Variants in PCDHGA5 observed in about 807,000 individuals in gnomAD.
PCDHGA5 encodes protocadherin gamma-A5.
In PCDHGA5, 36 loss-of-function variants were observed where a neutral mutation model predicts 56.7. The ratio of observed to expected loss-of-function variants is 0.64; its 90% CI spans 0.49 to 0.84. The LOEUF (loss-of-function observed/expected upper bound fraction) is 0.84. Ranked by LOEUF, PCDHGA5 falls within the 40% of genes least tolerant of loss-of-function variation. The pLI is 0.00. For missense variants in PCDHGA5, 1,305 were observed against 1,201.5 expected (o/e 1.09, Z -1.27); for synonymous variants, 563 against 520.2 (o/e 1.08, Z -1.12).
chr5:141,403,415 C>A, intron 1 of PCDHGA5: 1 of 1,614,046 alleles, frequency 6.2e-7, no homozygotes, highest in East Asian at 2.2e-5. Context: ...TTATCCACTT[C>A]CAGAAGCTAT....
chr5:141,501,290 T>TACACATAC (rs1224133816), intron 2 of PCDHGA5, among the ~76,000 whole-genome samples: 1,510 of 136,196 alleles, frequency 0.011, 8 homozygotes, highest in Admixed American at 0.014. Flanking sequence ...TATTCCCTTA[T>TACACATAC]ACACACACAC....
At position 141,493,202 on chromosome 5, in the gene PCDHGA5, A is replaced by G. The variant is rs1246390819; in HGVS notation, c.2422-1605A>G. Among the ~76,000 whole-genome samples, 1 of 152,196 alleles carries G rather than the reference A, an allele frequency of 6.6e-6. No individual in the cohort carries two copies. ...ACTATATAACTCCTTTGAGAACCTC[A>G]TCTCATTTGCTCTTCCCACCATTGC... On this transcript the variant is annotated intron_variant, in intron 1 of 3. Transcript: ENST00000518069. The surrounding 1 kb of genome is among the most constrained non-coding windows in gnomAD (Gnocchi z 4.3).
chr5:141,425,337 G>A (rs1327677274), intron 1 of PCDHGA5, among the ~76,000 whole-genome samples: 1 of 152,186 alleles, frequency 6.6e-6, no homozygotes. Flanking sequence ...AAAAAGGAAG[G>A]GTTGGCTTTG....
Position 141,485,660 on chromosome 5 carries a change from G to A in PCDHGA5, c.2422-9147G>A. On this transcript the variant is annotated intron_variant, in intron 1 of 3. Transcript: ENST00000518069. The surrounding 1 kb of genome is among the most constrained non-coding windows in gnomAD (Gnocchi z 5.7). ...GGAAAAGGCTCAGGATGCAGATGTG[G>A]GGAGCAATTCGATTAGCAGCTATAG... is the stretch of plus-strand genomic sequence containing the variant. 1 of 1,612,716 alleles carries A rather than the reference G, an allele frequency of 6.2e-7. No individual in the cohort carries two copies. Among genetic ancestry groups the A allele is most frequent in the Non-Finnish European group, 8.5e-7 (1 of 1,178,898 alleles).
chr5:141,415,409 TG>T (rs763291157), intron 1 of PCDHGA5: 1 of 1,614,208 alleles, frequency 6.2e-7, no homozygotes, highest in Non-Finnish European at 8.5e-7. Context: ...TCGCACTTTG[TG>T]GGCGTGGACG....
intron 2 of PCDHGA5, among the ~76,000 whole-genome samples, chr5:141,495,702 T>G (rs1462896403): frequency 6.6e-6 from 1 of 152,212 alleles, no homozygotes; most frequent in African/African-American, 2.4e-5. Context: ...TCAATAAATG[T>G]GGAGTGAGTA....
intron 1 of PCDHGA5, chr5:141,410,207 C>T: frequency 6.2e-7 from 1 of 1,614,024 alleles, no homozygotes; most frequent in African/African-American, 1.3e-5. Context: ...AGACAACTTG[C>T]AAGAGATACT....
intron 1 of PCDHGA5, chr5:141,388,600 C>G (rs1561620181): frequency 6.2e-7 from 1 of 1,613,856 alleles, no homozygotes; most frequent in Non-Finnish European, 8.5e-7. Context: ...AATGATAATG[C>G]TCCAGTGTTC....
In PCDHGA5 at chr5:141,399,908, C is replaced by T. The variant is rs141997055; in HGVS notation, c.2421+33157C>T. 17,269 of 1,612,412 alleles carry T rather than the reference C, an allele frequency of 0.011. 105 individuals are homozygous for T. Among genetic ancestry groups the T allele is most frequent in the Non-Finnish European group, 0.012 (14,309 of 1,179,754 alleles). On this transcript the variant is annotated intron_variant, in intron 1 of 3. Transcript: ENST00000518069. ...AAGGTAGTGGCCGTGGACGCAGACT[C>T]AGGACACAACGCCTGGCTGTCCTAC... is the stretch of plus-strand genomic sequence containing the variant.
At chr5:141,386,253 A>G (rs539545859) in intron 1 of PCDHGA5, among the ~76,000 whole-genome samples, 1 of 152,364 alleles carries the variant, frequency 6.6e-6, no homozygotes, top group Admixed American at 6.5e-5. Context: ...AAATAACCCA[A>G]TCTGGGATTA....
intron 1 of PCDHGA5, chr5:141,387,823 A>G: frequency 6.3e-7 from 1 of 1,581,002 alleles, no homozygotes; most frequent in South Asian, 1.2e-5. Context: ...AATCTGCAAT[A>G]CAGAGGTTAT....
intron 1 of PCDHGA5, among the ~76,000 whole-genome samples, chr5:141,484,358 G>A (rs2099595185): frequency 6.6e-6 from 1 of 152,160 alleles, no homozygotes; most frequent in South Asian, 2.1e-4. Flanking sequence ...AGTGTATCTA[G>A]TGTATCACTA....
At chr5:141,386,640 A>G (rs1313920703) in intron 1 of PCDHGA5, among the ~76,000 whole-genome samples, 2 of 151,864 alleles carry the variant, frequency 1.3e-5, no homozygotes, top group African/African-American at 4.8e-5. Flanking sequence ...CCCAGGCTGG[A>G]TACATTTTAC....
intron 1 of PCDHGA5, among the ~76,000 whole-genome samples, chr5:141,437,156 G>A (rs2097864365): frequency 6.6e-6 from 1 of 152,172 alleles, no homozygotes. Flanking sequence ...TAACATATGT[G>A]TTGATTGTTT....
intron 1 of PCDHGA5, chr5:141,403,365 T>A: frequency 6.2e-7 from 1 of 1,614,024 alleles, no homozygotes; most frequent in Non-Finnish European, 8.5e-7. Context: ...GCCGAAAGTC[T>A]GGAAGTAAAA....
rs200524415 is a variant in PCDHGA5, at chr5:141,487,436, G to C, written c.2422-7371G>C. 1 of 1,614,176 alleles carries C rather than the reference G, an allele frequency of 6.2e-7. No individual in the cohort carries two copies. Among genetic ancestry groups the C allele is most frequent in the East Asian group, 2.2e-5 (1 of 44,870 alleles). ...CAATGGGATCCTCCGAATCCAGCTAGGGTCAGATGACCCTATCAAGTTTGT... is the reference window on the plus strand; with the variant it reads ...CAATGGGATCCTCCGAATCCAGCTACGGTCAGATGACCCTATCAAGTTTGT... On this transcript the variant is annotated intron_variant, in intron 1 of 3. Coordinates refer to ENST00000518069, the MANE Select transcript of PCDHGA5 (RefSeq NM_018918.3). This position sits in a 1 kb window ranked among gnomAD's most constrained non-coding sequence, Gnocchi z 5.0.
chr5:141,446,279 G>A (rs1326701686), intron 1 of PCDHGA5, among the ~76,000 whole-genome samples: 1 of 152,096 alleles, frequency 6.6e-6, no homozygotes, highest in African/African-American at 2.4e-5. Context: ...AAATACAATG[G>A]ATAAATGGGG....
rs372326132 is a variant in PCDHGA5 at position 141,486,185 on chromosome 5, G to A, written c.2422-8622G>A. On this transcript the variant is annotated intron_variant, in intron 1 of 3. Coordinates refer to ENST00000518069, the MANE Select transcript of PCDHGA5 (RefSeq NM_018918.3). The surrounding 1 kb of genome is among the most constrained non-coding windows in gnomAD (Gnocchi z 5.0). ...CATGGAGCAACATTGCAGCCTTCGAGTGGATCTGCTGGACGTAAATGACAA... is the reference window on the plus strand; with the variant it reads ...CATGGAGCAACATTGCAGCCTTCGAATGGATCTGCTGGACGTAAATGACAA... 42 of 1,614,108 alleles carry A rather than the reference G, an allele frequency of 2.6e-5. No homozygotes were observed. The highest frequency in any genetic ancestry group is 3.4e-5 in the Non-Finnish European group (40 of 1,180,048).
intron 1 of PCDHGA5, among the ~76,000 whole-genome samples, chr5:141,455,243 A>G (rs945218710): frequency 1.3e-5 from 2 of 152,146 alleles, no homozygotes; most frequent in Non-Finnish European, 2.9e-5. Flanking sequence ...GTTAAAGGTC[A>G]TAGTACAATC....
Sources: allele counts gnomAD v4.1 joint callset (sites outside exome capture counted in the v4.1 genomes callset), GRCh38; gene constraint gnomAD v4.1.1; non-coding constraint Gnocchi (gnomAD v3.1); transcripts MANE v1.5; gene names NCBI Gene and HGNC (gene_info 2026-07-23, HGNC 2026-07-21).